CYTH3: variants seen among roughly 807,000 people sequenced by gnomAD.
The protein encoded by CYTH3 is cytohesin 3, also known as cytohesin-3.
CYTH3 carries 23 observed loss-of-function variants against 55.1 expected under a neutral mutation model. The observed-to-expected ratio is 0.42, with a 90% CI of 0.30 to 0.59. CYTH3 has a LOEUF of 0.59. CYTH3 is among the 20% of genes least tolerant of loss of function. CYTH3 has a pLI of 0.20. For synonymous variants in CYTH3, 249 were observed against 194.9 expected (o/e 1.28, Z -2.31); for missense variants, 413 against 524.8 (o/e 0.79, Z 2.08).
At chr7:6,227,685 T>C (rs1434354786) in intron 1 of CYTH3, among the ~76,000 whole-genome samples, 1 of 152,228 alleles carries the variant, frequency 6.6e-6, no homozygotes, top group Admixed American at 6.5e-5. Context: ...GGGAAGCATT[T>C]ACAACAACTA....
chr7:6,198,335 T>C (rs567381772), intron 1 of CYTH3, among the ~76,000 whole-genome samples: 63 of 137,628 alleles, frequency 4.6e-4, no homozygotes, highest in African/African-American at 1.4e-3. Context: ...CCAGATTGTA[T>C]AGCAAATACC....
Position 6,163,858 on chromosome 7 carries a change from A to G in CYTH3, c.*1086T>C, listed in dbSNP as rs1048550275. Reference sequence around the variant, plus strand: ...CTGTAAAATAAGCGTTCATTTTGCCACAGGTTTTAAATAGCGATGAATATG... The same window carrying G: ...CTGTAAAATAAGCGTTCATTTTGCCGCAGGTTTTAAATAGCGATGAATATG... On this transcript the variant is annotated 3_prime_UTR_variant, in exon 13 of 13. Transcript: ENST00000350796. The G allele has an allele frequency of 6.6e-6, 1 of 152,208 alleles. No homozygotes were observed. The highest frequency in any genetic ancestry group is 1.5e-5 in the Non-Finnish European group (1 of 68,036). The allele number at this position is 152,208 out of a possible 1,614,324, so 9.4% of individuals were successfully genotyped here.
intron 1 of CYTH3, among the ~76,000 whole-genome samples, chr7:6,256,284 G>C (rs1161882441): frequency 6.6e-6 from 1 of 152,216 alleles, no homozygotes; most frequent in African/African-American, 2.4e-5. Context: ...ACTGGCCACT[G>C]GTTCAGGCAG....
At chr7:6,221,342 T>C (rs967443566) in intron 1 of CYTH3, among the ~76,000 whole-genome samples, 1 of 152,238 alleles carries the variant, frequency 6.6e-6, no homozygotes, top group African/African-American at 2.4e-5. Context: ...TTATATAATT[T>C]GATGTATGTG....
chr7:6,190,324 T>TTTGTTA (rs112307335), intron 2 of CYTH3, 125 bp downstream of exon 2: 15,278 of 833,178 alleles, frequency 0.018, 267 homozygotes, highest in African/African-American at 0.057. Context: ...CATCTTTTTT[T>TTTGTTA]TTTGTTATTT....
At chr7:6,183,719 G>C (rs1317985695) in intron 4 of CYTH3, among the ~76,000 whole-genome samples, 2 of 152,118 alleles carry the variant, frequency 1.3e-5, no homozygotes, top group African/African-American at 4.8e-5. Context: ...TTGCAGCTGT[G>C]AACGAAATGT....
Position 6,171,511 on chromosome 7 carries a change from T to C in CYTH3, c.450-197A>G, listed in dbSNP as rs1271128060. Among the ~76,000 whole-genome samples, 2 of 152,140 alleles carry C rather than the reference T, an allele frequency of 1.3e-5. No individual in the cohort carries two copies. Among genetic ancestry groups the C allele is most frequent in the African/African-American group, 2.4e-5 (1 of 41,424 alleles). On this transcript the variant is annotated intron_variant, in intron 6 of 12. Transcript: ENST00000350796. This position sits in a 1 kb window ranked among gnomAD's most constrained non-coding sequence, Gnocchi z 6.7. ...TTCCGTTCCATAACTCGAGACACGCTTACTGATGGCTCATCTTTTTGTAAC... is the reference window on the plus strand; with the variant it reads ...TTCCGTTCCATAACTCGAGACACGCCTACTGATGGCTCATCTTTTTGTAAC...
chr7:6,271,856 C>G (rs1351635158), intron 1 of CYTH3, among the ~76,000 whole-genome samples: 1 of 152,142 alleles, frequency 6.6e-6, no homozygotes, highest in African/African-American at 2.4e-5. Context: ...CAATCTGTCG[C>G]GTCTGCCGTT....
chr7:6,170,387 C>T lies in CYTH3; in HGVS notation c.823+148G>A. ...GAAGCAGCCGTGGCCATGCAGCTAC[C>T]GAGAGCGGGCTCTGGCTTAACCGCG... On this transcript the variant is annotated intron_variant, in intron 9 of 12. Transcript: ENST00000350796. The surrounding 1 kb of genome is among the most constrained non-coding windows in gnomAD (Gnocchi z 7.8). 1.4e-6 allele frequency: 1 copy of T among 724,880 alleles called. No individual in the cohort carries two copies. The highest frequency in any genetic ancestry group is 2.2e-6 in the Non-Finnish European group (1 of 451,334). 44.9% of individuals were successfully genotyped at this position (724,880 alleles called of 1,614,324 possible).
chr7:6,260,407 AC>A (rs893995383), intron 1 of CYTH3, among the ~76,000 whole-genome samples: 33 of 152,024 alleles, frequency 2.2e-4, no homozygotes, highest in South Asian at 1.5e-3. Flanking sequence ...TCACTGCAAA[AC>A]AAACATACCC....
intron 4 of CYTH3, among the ~76,000 whole-genome samples, chr7:6,180,244 G>T (rs1287288535): frequency 1.3e-5 from 2 of 152,190 alleles, no homozygotes; most frequent in African/African-American, 2.4e-5. Context: ...AATGGGCCTG[G>T]GCATGAGGCT....
intron 1 of CYTH3, among the ~76,000 whole-genome samples, chr7:6,235,174 G>A (rs1294376849): frequency 2.6e-5 from 4 of 152,108 alleles, no homozygotes; most frequent in African/African-American, 7.2e-5. Flanking sequence ...CCTGATCCAC[G>A]CAGTAAGAAC....
chr7:6,271,045 G>T (rs2115074766), intron 1 of CYTH3, among the ~76,000 whole-genome samples: 1 of 152,234 alleles, frequency 6.6e-6, no homozygotes, highest in East Asian at 1.9e-4. Flanking sequence ...CCCAAATTGT[G>T]ACAGGCAGGA....
intron 4 of CYTH3, among the ~76,000 whole-genome samples, chr7:6,185,572 C>T (rs887676618): frequency 2.0e-5 from 3 of 151,832 alleles, no homozygotes; most frequent in African/African-American, 7.3e-5. Flanking sequence ...TGGTGGCAGG[C>T]ACCTGTAGTC....
intron 9 of CYTH3, among the ~76,000 whole-genome samples, chr7:6,168,115 A>G (rs1783063785): frequency 1.3e-5 from 2 of 151,944 alleles, no homozygotes; most frequent in Admixed American, 6.6e-5. Context: ...TCTCTCTGTA[A>G]GTTTCTGTCT....
intron 1 of CYTH3, among the ~76,000 whole-genome samples, chr7:6,245,848 G>T (rs935777598): frequency 3.3e-5 from 5 of 152,206 alleles, no homozygotes; most frequent in Non-Finnish European, 7.3e-5. Flanking sequence ...AGGTTGCAAT[G>T]AGCCGAGATC....
At chr7:6,218,965 A>G (rs1784485878) in intron 1 of CYTH3, among the ~76,000 whole-genome samples, 1 of 137,984 alleles carries the variant, frequency 7.2e-6, no homozygotes, top group Non-Finnish European at 1.5e-5. Flanking sequence ...ACACTGTGCC[A>G]CTGTACTCCA....
At position 6,170,445 on chromosome 7, in the gene CYTH3, G is replaced by C. The variant is rs956928621; in HGVS notation, c.823+90C>G. On this transcript the variant is annotated intron_variant, in intron 9 of 12. Coordinates refer to ENST00000350796, the MANE Select transcript of CYTH3 (RefSeq NM_004227.4). The surrounding 1 kb of genome is among the most constrained non-coding windows in gnomAD (Gnocchi z 7.8). ...TTAACGTCTCTGCCTGCGGTGGGGG[G>C]CATTCCTACGATGAGCCTGGGAGGA... is the stretch of plus-strand genomic sequence containing the variant. 12 of 1,174,552 alleles carry C rather than the reference G, an allele frequency of 1.0e-5. No individual in the cohort carries two copies. Among genetic ancestry groups the C allele is most frequent in the Non-Finnish European group, 1.5e-5 (12 of 821,346 alleles). 72.8% of individuals were successfully genotyped at this position (1,174,552 alleles called of 1,614,324 possible).
chr7:6,265,342 G>C (rs1198169119), intron 1 of CYTH3, among the ~76,000 whole-genome samples: 8 of 152,128 alleles, frequency 5.3e-5, no homozygotes, highest in East Asian at 1.9e-4. Flanking sequence ...GCTGGGCGTG[G>C]TGGCTCATGC....
Sources: allele counts gnomAD v4.1 joint callset (sites outside exome capture counted in the v4.1 genomes callset), GRCh38; gene constraint gnomAD v4.1.1; non-coding constraint Gnocchi (gnomAD v3.1); transcripts MANE v1.5; gene names NCBI Gene and HGNC (gene_info 2026-07-23, HGNC 2026-07-21).